GOLGA8B: variants seen among roughly 807,000 people sequenced by gnomAD.
GOLGA8B encodes the protein golgin subfamily A member 8B.
Under a neutral mutation model 15.6 loss-of-function variants are expected in GOLGA8B, and 1 was observed. The ratio of observed to expected loss-of-function variants is 0.06; its 90% CI spans 0.02 to 0.30. The LOEUF (loss-of-function observed/expected upper bound fraction) is 0.30, where lower values mean the gene tolerates loss of function less well. Among genes scored for constraint, GOLGA8B ranks in the 10% least tolerant of loss-of-function variants. GOLGA8B has a pLI of 1.00. For missense variants in GOLGA8B, 17 were observed against 201.3 expected (o/e 0.08, Z 5.54); for synonymous variants, 9 against 80.3 (o/e 0.11, Z 4.75).
At chr15:34,575,917 C>T (rs1278656816) in intron 1 of GOLGA8B, among the ~76,000 whole-genome samples, 1 of 152,206 alleles carries the variant, frequency 6.6e-6, no homozygotes, top group East Asian at 1.9e-4. Context: ...AAAATACCTA[C>T]TGAGTGCATG....
chr15:34,571,256 T>C (rs1355724611), intron 1 of GOLGA8B, among the ~76,000 whole-genome samples: 1 of 152,092 alleles, frequency 6.6e-6, no homozygotes, highest in Non-Finnish European at 1.5e-5. Context: ...AAGGCTGCAA[T>C]GAGCCGTGTT....
At chr15:34,568,957 T>C (rs1310456173) in intron 1 of GOLGA8B, among the ~76,000 whole-genome samples, 1 of 149,456 alleles carries the variant, frequency 6.7e-6, no homozygotes, top group Non-Finnish European at 1.5e-5. Flanking sequence ...TCTCTCTCGC[T>C]CTCGCTCTCT....
intron 1 of GOLGA8B, among the ~76,000 whole-genome samples, chr15:34,573,266 T>C (rs2433271): frequency 0.55 from 83,689 of 150,870 alleles, 23,450 homozygotes; most frequent in African/African-American, 0.63. Flanking sequence ...AGGCCGGGCA[T>C]GGTGGCTCAC....
intron 1 of GOLGA8B, among the ~76,000 whole-genome samples, chr15:34,580,449 T>C (rs1889198256): frequency 1.3e-5 from 2 of 151,224 alleles, no homozygotes; most frequent in Admixed American, 1.3e-4. Context: ...ACAGAAATCA[T>C]AAAGCACACA....
chr15:34,583,186 C>G (rs1193899272), intron 1 of GOLGA8B, among the ~76,000 whole-genome samples: 1 of 151,810 alleles, frequency 6.6e-6, no homozygotes, highest in Non-Finnish European at 1.5e-5. Flanking sequence ...GCGGCCCCGC[C>G]AGACAGCGCC....
intron 1 of GOLGA8B, among the ~76,000 whole-genome samples, chr15:34,572,825 T>TATC (rs1888957800): frequency 6.6e-6 from 1 of 152,244 alleles, no homozygotes; most frequent in Non-Finnish European, 1.5e-5. Flanking sequence ...TATATAGATC[T>TATC]ATCATATGTT....
intron 1 of GOLGA8B, among the ~76,000 whole-genome samples, chr15:34,569,704 T>G (rs1294654301): frequency 6.6e-6 from 1 of 151,446 alleles, no homozygotes; most frequent in Non-Finnish European, 1.5e-5. Flanking sequence ...TGATGGAAAC[T>G]AGTGTAAAAA....
intron 1 of GOLGA8B, among the ~76,000 whole-genome samples, chr15:34,576,644 T>C (rs149054891): frequency 2.0e-4 from 31 of 152,038 alleles, no homozygotes; most frequent in African/African-American, 5.1e-4. Flanking sequence ...AAAACCTCGA[T>C]TTCACCCAAT....
intron 1 of GOLGA8B, among the ~76,000 whole-genome samples, chr15:34,573,869 C>A (rs1312324201): frequency 2.0e-5 from 3 of 151,556 alleles, no homozygotes; most frequent in African/African-American, 7.3e-5. Context: ...GCCTGCCAGC[C>A]ATCGGACTCC....
Position 34,553,941 on chromosome 15 carries a change from C to T in GOLGA8B, c.-1107G>A, listed in dbSNP as rs1888418905. On this transcript the variant is annotated 5_prime_UTR_variant, in exon 2 of 24. Coordinates refer to ENST00000683415, the MANE Select transcript of GOLGA8B (RefSeq NM_001023567.5). ...AGCTGAGCAGGTATTCTTTTTCTTT[C>T]TTCATCTCAGTAGAGCTGTTAAATT... The T allele has an allele frequency of 2.3e-5, 1 of 43,344 alleles. No individual in the cohort carries two copies. Among genetic ancestry groups the T allele is most frequent in the Admixed American group, 2.4e-4 (1 of 4,180 alleles). 2.7% of individuals were successfully genotyped at this position (43,344 alleles called of 1,614,324 possible).
chr15:34,526,865 T>A lies in GOLGA8B; in HGVS notation c.*767A>T, dbSNP rs886674758. ...AACTGCTGCAGCTCACGATGCAATA[T>A]CTTCATGAGCCCAGAGCACATACAA... is the stretch of plus-strand genomic sequence containing the variant. On this transcript the variant is annotated 3_prime_UTR_variant, in exon 24 of 24. Coordinates refer to ENST00000683415, the MANE Select transcript of GOLGA8B (RefSeq NM_001023567.5). The A allele has an allele frequency of 6.7e-6, 1 of 149,444 alleles. No homozygotes were observed. The highest frequency in any genetic ancestry group is 2.5e-5 in the African/African-American group (1 of 40,350). The allele number at this position is 149,444 out of a possible 1,614,324, so 9.3% of individuals were successfully genotyped here. A position where few individuals can be genotyped will look rare whatever the true frequency, so the allele number is the denominator to read the frequency against.
At position 34,563,392 on chromosome 15, in the gene GOLGA8B, G is replaced by A. The variant is rs1481373847; in HGVS notation, c.-1122-9436C>T. ...TCAGTCCCACTCTCCGGGGTACCTG[G>A]TGTCGGAGTCTAGTGCCTCTGCAGG... On this transcript the variant is annotated intron_variant, in intron 1 of 23. Coordinates refer to ENST00000683415, the MANE Select transcript of GOLGA8B (RefSeq NM_001023567.5). Among the ~76,000 whole-genome samples the A allele has an allele frequency of 2.7e-5, 4 of 146,926 alleles. No homozygotes were observed. In the East Asian group the frequency reaches 5.9e-4, roughly 22 times the overall value.
chr15:34,575,736 G>A (rs1215299625), intron 1 of GOLGA8B, among the ~76,000 whole-genome samples: 1 of 152,128 alleles, frequency 6.6e-6, no homozygotes, highest in Non-Finnish European at 1.5e-5. Context: ...ACCTACCGTG[G>A]GGCTCTCACA....
At chr15:34,556,883 G>A in intron 1 of GOLGA8B, 5 of 840,870 alleles carry the variant, frequency 5.9e-6, no homozygotes, top group Middle Eastern at 3.2e-4. Context: ...CAGGGTACAG[G>A]CCTCGCAGAT....
intron 1 of GOLGA8B, among the ~76,000 whole-genome samples, chr15:34,578,634 T>C (rs960456718): frequency 1.3e-5 from 2 of 152,172 alleles, no homozygotes; most frequent in Non-Finnish European, 2.9e-5. Flanking sequence ...GCCTTCTGGA[T>C]TTGTAGGGAA....
intron 1 of GOLGA8B, among the ~76,000 whole-genome samples, chr15:34,569,894 C>T (rs1486073121): frequency 6.6e-6 from 1 of 152,032 alleles, no homozygotes; most frequent in East Asian, 1.9e-4. Flanking sequence ...TTCACAGATT[C>T]CAGGGCCTCC....
At chr15:34,577,157 A>G (rs1193623237) in intron 1 of GOLGA8B, among the ~76,000 whole-genome samples, 3 of 152,096 alleles carry the variant, frequency 2.0e-5, no homozygotes, top group Non-Finnish European at 4.4e-5. Flanking sequence ...CCAGCTCCGG[A>G]TAATTCAGAC....
intron 1 of GOLGA8B, among the ~76,000 whole-genome samples, chr15:34,564,281 G>A (rs1888697424): frequency 7.5e-6 from 1 of 132,470 alleles, no homozygotes; most frequent in South Asian, 2.3e-4. Context: ...GTCTTTGACT[G>A]CCATTTTTCT....
intron 1 of GOLGA8B, among the ~76,000 whole-genome samples, chr15:34,578,232 T>C (rs111944173): frequency 6.6e-6 from 1 of 152,154 alleles, no homozygotes; most frequent in Admixed American, 6.5e-5. Flanking sequence ...AAGTGCAAAA[T>C]GGAAAACACC....
Sources: gnomAD v4.1 joint callset for allele counts (sites outside exome capture counted in the v4.1 genomes callset) on GRCh38, gnomAD v4.1.1 for gene constraint, MANE v1.5 for transcripts, NCBI Gene and HGNC (gene_info 2026-07-23, HGNC 2026-07-21) for gene names.